The following ARHGAP32 variants were observed in gnomAD, a reference collection of about 807,000 sequenced individuals.
ARHGAP32 encodes the protein rho GTPase-activating protein 32.
A neutral mutation model predicts 186.5 loss-of-function variants in ARHGAP32; 51 were observed. The ratio of observed to expected loss-of-function variants is 0.27; its 90% CI spans 0.22 to 0.35. The LOEUF is 0.35. Among genes scored for constraint, ARHGAP32 ranks in the 10% least tolerant of loss-of-function variants. The pLI is 1.00. For synonymous variants in ARHGAP32, 950 were observed against 964.3 expected, an observed-to-expected ratio of 0.99 and a Z score of 0.27; for missense variants, 2,186 against 2,623.5, an observed-to-expected ratio of 0.83 and a Z score of 3.64.
rs1377767650 is a variant in ARHGAP32 at position 128,981,954 on chromosome 11, C to A, written c.1527-18G>T. ...CCAGTGTTCTGGAAATAAAATACAACATATTAACAGAAAGAAACATGATGC... is the reference window on the plus strand; with the variant it reads ...CCAGTGTTCTGGAAATAAAATACAAAATATTAACAGAAAGAAACATGATGC... On this transcript the variant is annotated intron_variant, in intron 15 of 22. Coordinates refer to ENST00000682385, the MANE Select transcript of ARHGAP32 (RefSeq NM_001378024.1). 1 of 1,455,878 alleles carries A rather than the reference C, an allele frequency of 6.9e-7. No individual in the cohort carries two copies. The highest frequency in any genetic ancestry group is 9.6e-7 in the Non-Finnish European group (1 of 1,045,362). 90.2% of individuals were successfully genotyped at this position (1,455,878 alleles called of 1,614,324 possible).
chr11:129,232,996 T>C (rs1342896178), intron 1 of ARHGAP32, among the ~76,000 whole-genome samples: 1 of 152,286 alleles, frequency 6.6e-6, no homozygotes, highest in East Asian at 1.9e-4. Context: ...CTTAAACATA[T>C]ATATTTGTCA....
intron 2 of ARHGAP32, among the ~76,000 whole-genome samples, chr11:129,151,721 G>A (rs1203270922): frequency 1.3e-5 from 2 of 152,034 alleles, no homozygotes; most frequent in South Asian, 2.1e-4. Context: ...AGCAAAAACG[G>A]TGCAAAGAGA....
intron 6 of ARHGAP32, among the ~76,000 whole-genome samples, chr11:129,072,618 G>C (rs866947204): frequency 6.6e-6 from 1 of 152,124 alleles, no homozygotes; most frequent in African/African-American, 2.4e-5. Flanking sequence ...AAATCCACAC[G>C]CAGAAACCTC....
intron 2 of ARHGAP32, among the ~76,000 whole-genome samples, chr11:129,140,979 T>C (rs1279650806): frequency 1.3e-5 from 2 of 152,184 alleles, no homozygotes; most frequent in Non-Finnish European, 2.9e-5. Context: ...TTCAGAGATA[T>C]TTTCCTTCCA....
rs1377781550 is a variant in ARHGAP32, at chr11:128,968,964, G to T, written c.6249C>A (p.Ala2083=). Residue 2083 remains alanine (A), a synonymous_variant, in exon 23 of 23, where the codon GCC becomes GCA. Transcript: ENST00000682385. ...GCAAGGACAACTCTGCGGGCAGGAAGGCCCCTTGACCCAACGCTGTAGCAT... is the reference window on the plus strand; with the variant it reads ...GCAAGGACAACTCTGCGGGCAGGAATGCCCCTTGACCCAACGCTGTAGCAT... ...RTYATALGQG[A]FLPAELSLQH... 1 of 1,572,992 alleles carries T rather than the reference G, an allele frequency of 6.4e-7. No individual in the cohort carries two copies. Among genetic ancestry groups the T allele is most frequent in the Non-Finnish European group, 8.7e-7 (1 of 1,154,630 alleles).
chr11:129,106,667 C>G (rs1942056910), intron 5 of ARHGAP32, among the ~76,000 whole-genome samples: 1 of 151,956 alleles, frequency 6.6e-6, no homozygotes, highest in African/African-American at 2.4e-5. Flanking sequence ...CATGTACTCC[C>G]TGAATCTAAT....
chr11:129,264,526 T>C (rs898900871), intron 1 of ARHGAP32, among the ~76,000 whole-genome samples: 1 of 152,164 alleles, frequency 6.6e-6, no homozygotes, highest in African/African-American at 2.4e-5. Context: ...CAGTTAGCAA[T>C]AACAGTAGCT....
intron 6 of ARHGAP32, among the ~76,000 whole-genome samples, chr11:129,080,644 A>G (rs1181824725): frequency 1.3e-5 from 2 of 152,124 alleles, no homozygotes; most frequent in African/African-American, 4.8e-5. Context: ...GCCTACATCA[A>G]AAAAGTCTGA....
At chr11:129,193,587 A>AAC (rs1565464618), upstream of ARHGAP32, among the ~76,000 whole-genome samples, 10 of 52,032 alleles carry the variant, frequency 1.9e-4, no homozygotes, top group Non-Finnish European at 3.5e-4. Context: ...TATATTATAT[A>AAC]ATATATGTTA....
At chr11:128,988,740 G>A (rs896550242) in intron 12 of ARHGAP32, among the ~76,000 whole-genome samples, 1 of 152,150 alleles carries the variant, frequency 6.6e-6, no homozygotes, top group Non-Finnish European at 1.5e-5. Flanking sequence ...TAACTTTATT[G>A]ACATTTTGAC....
chr11:129,231,550 C>G (rs966330594), intron 1 of ARHGAP32, among the ~76,000 whole-genome samples: 1 of 152,144 alleles, frequency 6.6e-6, no homozygotes, highest in Non-Finnish European at 1.5e-5. Context: ...TCAATGGATT[C>G]TAGCTCTCCG....
intron 2 of ARHGAP32, among the ~76,000 whole-genome samples, chr11:129,141,068 A>G (rs1029418452): frequency 1.3e-5 from 2 of 152,238 alleles, no homozygotes; most frequent in African/African-American, 4.8e-5. Flanking sequence ...TGCACTGCAC[A>G]GCACCTTAAT....
At chr11:129,103,693 G>C (rs1341207807) in intron 5 of ARHGAP32, among the ~76,000 whole-genome samples, 6 of 151,996 alleles carry the variant, frequency 3.9e-5, no homozygotes, top group Non-Finnish European at 7.4e-5. Context: ...AATAACAGCT[G>C]ACTTCTCATC....
intron 5 of ARHGAP32, among the ~76,000 whole-genome samples, chr11:129,113,833 C>T (rs1565429019): frequency 6.6e-6 from 1 of 151,808 alleles, no homozygotes; most frequent in East Asian, 1.9e-4. Context: ...ACATATTCTC[C>T]TCCTCCTCCT....
chr11:129,180,753 T>C (rs1944037834), intron 1 of ARHGAP32, among the ~76,000 whole-genome samples: 1 of 152,162 alleles, frequency 6.6e-6, no homozygotes, highest in Non-Finnish European at 1.5e-5. Context: ...CCTACTGCTG[T>C]ATTTTTTACC....
At chr11:129,278,846 G>C (rs1288692338) in intron 1 of ARHGAP32, among the ~76,000 whole-genome samples, 1 of 150,722 alleles carries the variant, frequency 6.6e-6, no homozygotes, top group Non-Finnish European at 1.5e-5. Flanking sequence ...CCTTGGGCCC[G>C]GGGCGGAGAG....
At chr11:129,212,292 G>A (rs1944591131) in intron 1 of ARHGAP32, among the ~76,000 whole-genome samples, 1 of 152,062 alleles carries the variant, frequency 6.6e-6, no homozygotes, top group Non-Finnish European at 1.5e-5. Flanking sequence ...TGAATGAGTG[G>A]AAATAAAAAT....
intron 11 of ARHGAP32, chr11:129,024,104 T>C (rs1938723793): frequency 1.0e-6 from 1 of 985,486 alleles, no homozygotes; most frequent in African/African-American, 1.7e-5. Context: ...CTGTTTTCAG[T>C]CCAGTCAGTG....
At chr11:129,058,713 A>G (rs952740230) in intron 10 of ARHGAP32, among the ~76,000 whole-genome samples, 1 of 152,190 alleles carries the variant, frequency 6.6e-6, no homozygotes, top group African/African-American at 2.4e-5. Context: ...TCTGCGCATG[A>G]TTCTGTTTGA....
Sources: gnomAD v4.1 joint callset for allele counts (sites outside exome capture counted in the v4.1 genomes callset) on GRCh38, gnomAD v4.1.1 for gene constraint, MANE v1.5 for transcripts, NCBI Gene and HGNC (gene_info 2026-07-23, HGNC 2026-07-21) for gene names.